DLC1: variants seen among roughly 807,000 people sequenced by gnomAD.
DLC1 encodes rho GTPase-activating protein 7.
In DLC1, 54 loss-of-function variants were observed where a neutral mutation model predicts 140.3. The observed-to-expected ratio is 0.38, with a 90% CI of 0.31 to 0.48. The LOEUF is 0.48. Among genes scored for constraint, DLC1 ranks in the 20% least tolerant of loss-of-function variants. The probability of loss-of-function intolerance (pLI) is 0.96; values close to 1 mark genes in which losing one functional copy is unlikely to be tolerated. For synonymous variants in DLC1, 986 were observed against 728.1 expected, an observed-to-expected ratio of 1.35 and a Z score of -5.70; for missense variants, 2,536 against 1,907.0, an observed-to-expected ratio of 1.33 and a Z score of -6.14.
chr8:13,326,773 A>C (rs539692836), intron 4 of DLC1, among the ~76,000 whole-genome samples: 13 of 152,284 alleles, frequency 8.5e-5, no homozygotes, highest in African/African-American at 2.9e-4. Context: ...GGGCTGAAGA[A>C]GTTATATTTT....
At chr8:13,593,641 G>A (rs922186763) in intron 1 of DLC1, among the ~76,000 whole-genome samples, 2 of 152,060 alleles carry the variant, frequency 1.3e-5, no homozygotes, top group Admixed American at 6.6e-5. Flanking sequence ...CATTATTAGA[G>A]TGCAATGGAA....
chr8:13,405,441 T>G (rs999740215), intron 2 of DLC1, among the ~76,000 whole-genome samples: 1 of 152,226 alleles, frequency 6.6e-6, no homozygotes, highest in African/African-American at 2.4e-5. Context: ...TTTGGACACT[T>G]CACTCAACAC....
intron 5 of DLC1, among the ~76,000 whole-genome samples, chr8:13,182,206 T>C (rs1004806284): frequency 3.3e-5 from 5 of 151,896 alleles, no homozygotes; most frequent in Admixed American, 3.3e-4. Flanking sequence ...TTCATGTAAA[T>C]TGGTTTGAGT....
intron 1 of DLC1, among the ~76,000 whole-genome samples, chr8:13,565,199 C>G (rs62492136): frequency 0.079 from 12,076 of 152,196 alleles, 711 homozygotes; most frequent in Admixed American, 0.19. Context: ...ACATATATCT[C>G]CTTCTAGGAT....
chr8:13,195,297 C>A (rs1340477376), intron 5 of DLC1, among the ~76,000 whole-genome samples: 1 of 152,128 alleles, frequency 6.6e-6, no homozygotes, highest in Non-Finnish European at 1.5e-5. Flanking sequence ...ATTTTGTCAG[C>A]AATTGGAGAT....
In DLC1 at chr8:13,447,432, T is replaced by G. The variant is rs140671280; in HGVS notation, c.1024-45813A>C. Reference sequence around the variant, plus strand: ...CAGGCAAATATGTGGCTGTGGGGACTTGCTTTGCCACACATTATCAAATAT... The same window carrying G: ...CAGGCAAATATGTGGCTGTGGGGACGTGCTTTGCCACACATTATCAAATAT... On this transcript the variant is annotated intron_variant, in intron 2 of 17. Transcript: ENST00000276297. Among the ~76,000 whole-genome samples the G allele has an allele frequency of 7.2e-3, 1,096 of 152,320 alleles. 16 individuals carry two copies. The highest frequency in any genetic ancestry group is 0.024 in the African/African-American group (984 of 41,582).
At chr8:13,476,505 C>T (rs910390990) in intron 2 of DLC1, among the ~76,000 whole-genome samples, 2 of 149,250 alleles carry the variant, frequency 1.3e-5, no homozygotes, top group African/African-American at 5.0e-5. Context: ...CATAGTCAAC[C>T]ATGTAATTTA....
chr8:13,594,202 A>G (rs1035861563), intron 1 of DLC1, among the ~76,000 whole-genome samples: 1 of 152,092 alleles, frequency 6.6e-6, no homozygotes, highest in African/African-American at 2.4e-5. Flanking sequence ...GATAGTGATA[A>G]AACCTGAATA....
At chr8:13,224,982 T>A (rs1484829247) in intron 5 of DLC1, among the ~76,000 whole-genome samples, 1 of 152,232 alleles carries the variant, frequency 6.6e-6, no homozygotes, top group Non-Finnish European at 1.5e-5. Flanking sequence ...GTCATTTTTT[T>A]CTTTGCTAGG....
chr8:13,458,074 A>T (rs1163606971), intron 2 of DLC1, among the ~76,000 whole-genome samples: 1 of 152,228 alleles, frequency 6.6e-6, no homozygotes, highest in African/African-American at 2.4e-5. Flanking sequence ...TCTCAGTGCT[A>T]GAATCTAAAG....
At chr8:13,160,931 A>G (rs967818872) in intron 5 of DLC1, among the ~76,000 whole-genome samples, 1 of 152,118 alleles carries the variant, frequency 6.6e-6, no homozygotes, top group Non-Finnish European at 1.5e-5. Context: ...AATATAAAAA[A>G]TTAGCCAGGT....
At chr8:13,232,275 C>T (rs970255193) in intron 5 of DLC1, among the ~76,000 whole-genome samples, 2 of 152,130 alleles carry the variant, frequency 1.3e-5, no homozygotes, top group African/African-American at 4.8e-5. Flanking sequence ...GTCGCTCACA[C>T]ACACAGGGTA....
intron 1 of DLC1, among the ~76,000 whole-genome samples, chr8:13,505,543 C>G (rs1481684): frequency 7.8e-4 from 118 of 152,222 alleles, no homozygotes; most frequent in African/African-American, 2.6e-3. Flanking sequence ...TAAGGTTAAG[C>G]TGATGCATAA....
chr8:13,197,853 G>A (rs1827159467), intron 5 of DLC1, among the ~76,000 whole-genome samples: 1 of 152,098 alleles, frequency 6.6e-6, no homozygotes, highest in Admixed American at 6.5e-5. Flanking sequence ...CACCCTATTG[G>A]AGAGGTAATG....
intron 4 of DLC1, among the ~76,000 whole-genome samples, chr8:13,360,562 A>T (rs1835176146): frequency 6.6e-6 from 1 of 152,142 alleles, no homozygotes; most frequent in South Asian, 2.1e-4. Flanking sequence ...GGGCTTGGGC[A>T]TTGGGATTGT....
intron 5 of DLC1, among the ~76,000 whole-genome samples, chr8:13,196,501 G>T (rs143456831): frequency 3.9e-4 from 59 of 152,198 alleles, no homozygotes; most frequent in African/African-American, 1.3e-3. Flanking sequence ...TCATCTATCA[G>T]CTGTCTCTCA....
At chr8:13,294,051 TA>T (rs1831857263) in intron 5 of DLC1, among the ~76,000 whole-genome samples, 1 of 152,200 alleles carries the variant, frequency 6.6e-6, no homozygotes, top group Admixed American at 6.5e-5. Context: ...CTATTAATAT[TA>T]TAGTGTCATA....
intron 5 of DLC1, among the ~76,000 whole-genome samples, chr8:13,149,478 C>T (rs1823657194): frequency 6.6e-6 from 1 of 152,140 alleles, no homozygotes; most frequent in Non-Finnish European, 1.5e-5. Flanking sequence ...AGCCAATCCC[C>T]TGCTAATTGT....
chr8:13,513,446 T>C (rs1252139697), intron 1 of DLC1, among the ~76,000 whole-genome samples: 1 of 152,122 alleles, frequency 6.6e-6, no homozygotes, highest in African/African-American at 2.4e-5. Flanking sequence ...ATATAGCAGA[T>C]GGTCACCTTG....
Sources: gnomAD v4.1 joint callset for allele counts (sites outside exome capture counted in the v4.1 genomes callset) on GRCh38, gnomAD v4.1.1 for gene constraint, MANE v1.5 for transcripts, NCBI Gene and HGNC (gene_info 2026-07-23, HGNC 2026-07-21) for gene names.